FARS2: variants seen among roughly 807,000 people sequenced by gnomAD.
FARS2 encodes the protein phenylalanine--tRNA ligase, mitochondrial.
FARS2 carries 40 observed loss-of-function variants against 46.4 expected under a neutral mutation model. The observed-to-expected ratio is 0.86, with a 90% CI of 0.67 to 1.12. The LOEUF (loss-of-function observed/expected upper bound fraction) is 1.12. Among genes scored for constraint, FARS2 ranks in the 50% most tolerant of loss-of-function variants. FARS2 has a pLI of 0.00. For missense variants in FARS2, 513 were observed against 567.9 expected, an observed-to-expected ratio of 0.90 and a Z score of 0.98; for synonymous variants, 234 against 214.9, an observed-to-expected ratio of 1.09 and a Z score of -0.78.
chr6:5,692,175 G>A (rs1019015917), intron 6 of FARS2, among the ~76,000 whole-genome samples: 5 of 152,146 alleles, frequency 3.3e-5, no homozygotes, highest in East Asian at 1.9e-4. Flanking sequence ...GCTCATGCTC[G>A]GTGCGCTGCA....
At chr6:5,439,255 T>C (rs1275277507) in intron 4 of FARS2, among the ~76,000 whole-genome samples, 1 of 152,026 alleles carries the variant, frequency 6.6e-6, no homozygotes, top group African/African-American at 2.4e-5. Flanking sequence ...CAGGCTGATA[T>C]CTGTGCAGGT....
At chr6:5,682,811 T>C (rs1779101225) in intron 6 of FARS2, among the ~76,000 whole-genome samples, 1 of 152,182 alleles carries the variant, frequency 6.6e-6, no homozygotes, top group African/African-American at 2.4e-5. Context: ...TTTCAAGTAG[T>C]GACACCCGCA....
chr6:5,396,916 G>A (rs533559965), intron 2 of FARS2, among the ~76,000 whole-genome samples: 2 of 152,078 alleles, frequency 1.3e-5, no homozygotes, highest in Non-Finnish European at 2.9e-5. Flanking sequence ...AGGCCCTCAC[G>A]TTTCCCCCTG....
intron 1 of FARS2, among the ~76,000 whole-genome samples, chr6:5,320,519 C>G (rs1027130808): frequency 6.6e-6 from 1 of 152,184 alleles, no homozygotes; most frequent in African/African-American, 2.4e-5. Flanking sequence ...ATTCTTTGGA[C>G]CACTTAAGGT....
intron 6 of FARS2, among the ~76,000 whole-genome samples, chr6:5,769,109 C>G (rs182398644): frequency 8.9e-4 from 135 of 152,104 alleles, no homozygotes; most frequent in African/African-American, 3.2e-3. Context: ...ATAGTTTCAG[C>G]TCTTATATTG....
intron 1 of FARS2, among the ~76,000 whole-genome samples, chr6:5,315,210 C>A (rs797146): frequency 0.98 from 149,183 of 152,344 alleles, 73,060 homozygotes; most frequent in East Asian, 1. Context: ...TACTGTTATG[C>A]GAATCTTGGC....
At chr6:5,577,903 G>T (rs952420281) in intron 5 of FARS2, among the ~76,000 whole-genome samples, 1 of 152,028 alleles carries the variant, frequency 6.6e-6, no homozygotes, top group Non-Finnish European at 1.5e-5. Flanking sequence ...CCGGGTTCAC[G>T]CCATTCTCCT....
At chr6:5,537,319 A>T (rs937357986) in intron 4 of FARS2, among the ~76,000 whole-genome samples, 1 of 152,222 alleles carries the variant, frequency 6.6e-6, no homozygotes, top group Admixed American at 6.5e-5. Context: ...CTTTGAAGGG[A>T]TGGCATTGAG....
intron 1 of FARS2, among the ~76,000 whole-genome samples, chr6:5,365,510 A>AATTTTT (rs1439314360): frequency 7.8e-6 from 1 of 127,974 alleles, no homozygotes; most frequent in East Asian, 2.5e-4. Context: ...ATTAAATAAA[A>AATTTTT]TTTTTTTTTT....
intron 4 of FARS2, among the ~76,000 whole-genome samples, chr6:5,503,213 A>G (rs1484309813): frequency 1.3e-5 from 2 of 151,198 alleles, no homozygotes; most frequent in South Asian, 4.1e-4. Context: ...TTTTAAGAAA[A>G]TAGTAAATAA....
chr6:5,298,883 A>G (rs1240243294), intron 1 of FARS2, among the ~76,000 whole-genome samples: 1 of 149,768 alleles, frequency 6.7e-6, no homozygotes, highest in Non-Finnish European at 1.5e-5. Context: ...AAAAAAAAAA[A>G]GATACAAAAA....
chr6:5,334,324 C>T (rs1561964943), intron 1 of FARS2, among the ~76,000 whole-genome samples: 1 of 152,154 alleles, frequency 6.6e-6, no homozygotes, highest in Non-Finnish European at 1.5e-5. Flanking sequence ...TTGGCCCTAT[C>T]TGTTAAAATG....
At chr6:5,501,000 G>A (rs1767768954) in intron 4 of FARS2, among the ~76,000 whole-genome samples, 1 of 151,136 alleles carries the variant, frequency 6.6e-6, no homozygotes, top group Admixed American at 6.6e-5. Flanking sequence ...TCTTGTTTTG[G>A]GAGATGGGGC....
At chr6:5,355,706 T>TAC (rs373313745) in intron 1 of FARS2, among the ~76,000 whole-genome samples, 2,741 of 150,926 alleles carry the variant, frequency 0.018, 57 homozygotes, top group African/African-American at 0.06. Context: ...AATATTCACA[T>TAC]ACACACACAC....
chr6:5,336,587 G>A (rs1205815791), intron 1 of FARS2, among the ~76,000 whole-genome samples: 2 of 152,046 alleles, frequency 1.3e-5, no homozygotes, highest in Non-Finnish European at 2.9e-5. Flanking sequence ...CATGCAATGT[G>A]AAATAAGCAC....
At chr6:5,624,514 A>G (rs534613041) in intron 6 of FARS2, among the ~76,000 whole-genome samples, 1 of 152,326 alleles carries the variant, frequency 6.6e-6, no homozygotes, top group East Asian at 1.9e-4. Flanking sequence ...CCGGGCGCTG[A>G]AGGAGCTGTA....
intron 3 of FARS2, among the ~76,000 whole-genome samples, chr6:5,417,996 C>CT (rs1463436759): frequency 1.3e-5 from 2 of 151,962 alleles, no homozygotes; most frequent in East Asian, 3.9e-4. Flanking sequence ...TCTACAGTGT[C>CT]TAATTTTCTG....
chr6:5,626,591 C>T (rs1028128361), intron 6 of FARS2, among the ~76,000 whole-genome samples: 2 of 152,178 alleles, frequency 1.3e-5, no homozygotes, highest in Non-Finnish European at 2.9e-5. Context: ...CCCTCTCCCA[C>T]ATCCTCCTTA....
intron 5 of FARS2, among the ~76,000 whole-genome samples, chr6:5,563,040 G>A (rs1278753166): frequency 6.6e-6 from 1 of 151,966 alleles, no homozygotes; most frequent in South Asian, 2.1e-4. Context: ...AGGCAAGAAG[G>A]AAGGGAGAGG....
Sources: gnomAD v4.1 joint callset for allele counts (sites outside exome capture counted in the v4.1 genomes callset) on GRCh38, gnomAD v4.1.1 for gene constraint, MANE v1.5 for transcripts, NCBI Gene and HGNC (gene_info 2026-07-23, HGNC 2026-07-21) for gene names.